The following HMX3 variants were observed in gnomAD, a reference collection of about 807,000 sequenced individuals.
HMX3 encodes H6 family homeobox 3.
Under a neutral mutation model 22.8 loss-of-function variants are expected in HMX3, and 8 were observed. The ratio of observed to expected loss-of-function variants is 0.35; its 90% CI spans 0.21 to 0.63. The LOEUF (loss-of-function observed/expected upper bound fraction) is 0.63, where lower values mean the gene tolerates loss of function less well. Ranked by LOEUF, HMX3 falls within the 30% of genes least tolerant of loss-of-function variation. HMX3 has a pLI of 0.72. For missense variants in HMX3, 527 were observed against 520.6 expected (o/e 1.01, Z -0.12); for synonymous variants, 331 against 250.9 (o/e 1.32, Z -3.02).
Position 123,136,184 on chromosome 10 carries a change from C to G in HMX3, c.134C>G (p.Pro45Arg), listed in dbSNP as rs866618942. 23 of 1,427,850 alleles carry G rather than the reference C, an allele frequency of 1.6e-5. 1 individual carries two copies. In the African/African-American group the frequency reaches 2.5e-4, roughly 16 times the overall value. 88.4% of individuals were successfully genotyped at this position (1,427,850 alleles called of 1,614,324 possible). ...CTCAACGGAGACCACCACCGGCCGCCCCCTAAGCCTCAGCCGCCCCCACGG... is the reference window on the plus strand; with the variant it reads ...CTCAACGGAGACCACCACCGGCCGCGCCCTAAGCCTCAGCCGCCCCCACGG... ...NLLNGDHHRP[P>R]PKPQPPPRTL... Residue 45 changes from proline to arginine, a missense_variant, in exon 1 of 2, where the codon CCC (proline) becomes CGC (arginine). Pro to Arg is a moderately radical substitution (Grantham distance 103). Transcript: ENST00000357878. The surrounding 1 kb of genome is among the most constrained non-coding windows in gnomAD (Gnocchi z 4.8).
chr10:123,137,290 C>A lies in HMX3; in HGVS notation c.633C>A (p.Asp211Glu). ...CGGCGGCCACTCCGGGCGCAGAAGA[C>A]TGGAAGAAGGGCGCTGAAAGTCCAG... ...GAAAATPGAE[D>E]WKKGAESPEK... The change falls in exon 2 of 2, where the codon GAC becomes GAA. Residue 211 changes from aspartate (D) to glutamate (E), a missense_variant. Coordinates refer to ENST00000357878, the MANE Select transcript of HMX3 (RefSeq NM_001105574.2). The surrounding 1 kb of genome is among the most constrained non-coding windows in gnomAD (Gnocchi z 5.8). 1 of 1,601,530 alleles carries A rather than the reference C, an allele frequency of 6.2e-7. No individual in the cohort carries two copies. The highest frequency in any genetic ancestry group is 2.3e-5 in the East Asian group (1 of 44,278).
In HMX3 at chr10:123,137,636, C is replaced by T. The variant is rs61736861; in HGVS notation, c.979C>T (p.Pro327Ser). ...CGCGGCGGCTGCAGCCGCGGGGGCC[C>T]CGGTGCCAGTCAGCCAGCCGCTGCT... Reference protein sequence around the residue: ...EGAAAAAAGAPVPVSQPLLTF... With the variant: ...EGAAAAAAGASVPVSQPLLTF... Residue 327 changes from proline (P) to serine (S), a missense_variant, in exon 2 of 2, where the codon CCG (proline) becomes TCG (serine). This residue lies in a region of HMX3 where 100 missense variants were observed against 102.3 expected (regional missense o/e 0.98). Transcript: ENST00000357878. This position sits in a 1 kb window ranked among gnomAD's most constrained non-coding sequence, Gnocchi z 5.8. 2.5e-4 allele frequency: 389 copies of T among 1,527,386 alleles called. 2 individuals carry two copies. In the African/African-American group the frequency reaches 4.7e-3, roughly 18 times the overall value. 94.6% of individuals were successfully genotyped at this position (1,527,386 alleles called of 1,614,324 possible). A position where few individuals can be genotyped will look rare whatever the true frequency, so the allele number is the denominator to read the frequency against.
At position 123,136,320 on chromosome 10, in the gene HMX3, C is replaced by G; in HGVS notation, c.270C>G (p.Asp90Glu). 6.4e-7 allele frequency: 1 copy of G among 1,563,334 alleles called. No individual in the cohort carries two copies. The highest frequency in any genetic ancestry group is 1.2e-5 in the South Asian group (1 of 85,868). The stretch of plus-strand genomic sequence containing the variant: ...GCTTCGCGCTCTCGCAGGTGGGCGA[C>G]CTGGCTTTCCCTCGCTTTGAGATCC... ...AAGFALSQVGDLAFPRFEIPA... is the reference protein window; with the variant it reads ...AAGFALSQVGELAFPRFEIPA... The change falls in exon 1 of 2, where the codon GAC becomes GAG. Residue 90 changes from aspartate to glutamate, a missense_variant. Transcript: ENST00000357878. This position sits in a 1 kb window ranked among gnomAD's most constrained non-coding sequence, Gnocchi z 4.8.
In HMX3 at chr10:123,135,976, C is replaced by T. The variant is rs1004028984; in HGVS notation, c.-75C>T. 1.6e-6 allele frequency: 2 copies of T among 1,282,790 alleles called. No individual in the cohort carries two copies. Among genetic ancestry groups the T allele is most frequent in the Non-Finnish European group, 9.9e-7 (1 of 1,008,318 alleles). 79.5% of individuals were successfully genotyped at this position (1,282,790 alleles called of 1,614,324 possible). ...TGAGTTCCGTTTATGGTCTGATTTCCGGCCTCTCGCCTGCTCGCCCCGCCG... is the reference window on the plus strand; with the variant it reads ...TGAGTTCCGTTTATGGTCTGATTTCTGGCCTCTCGCCTGCTCGCCCCGCCG... On this transcript the variant is annotated 5_prime_UTR_variant, in exon 1 of 2. Transcript: ENST00000357878.
At position 123,136,207 on chromosome 10, in the gene HMX3, C is replaced by G. The variant is rs1314128260; in HGVS notation, c.157C>G (p.Arg53Gly). 1 of 1,380,050 alleles carries G rather than the reference C, an allele frequency of 7.2e-7. No individual in the cohort carries two copies. The highest frequency in any genetic ancestry group is 9.4e-7 in the Non-Finnish European group (1 of 1,068,018). The allele number at this position is 1,380,050 out of a possible 1,614,324, so 85.5% of individuals were successfully genotyped here. A position where few individuals can be genotyped will look rare whatever the true frequency, so the allele number is the denominator to read the frequency against. Reference protein sequence around the residue: ...RPPPKPQPPPRTLFAPASAAA... With the variant: ...RPPPKPQPPPGTLFAPASAAA... Reference sequence around the variant, plus strand: ...GCCCCCTAAGCCTCAGCCGCCCCCACGGACGCTCTTCGCGCCAGCCTCGGC... The same window carrying G: ...GCCCCCTAAGCCTCAGCCGCCCCCAGGGACGCTCTTCGCGCCAGCCTCGGC... The change falls in exon 1 of 2, where the codon CGG becomes GGG. Residue 53 changes from arginine (R) to glycine (G), a missense_variant. Around this residue, in one of 3 missense-constraint regions of HMX3, gnomAD observed 386 missense variants for 337.8 expected, o/e 1.14. Transcript: ENST00000357878. The surrounding 1 kb of genome is among the most constrained non-coding windows in gnomAD (Gnocchi z 4.8).
rs1844098529 is a variant in HMX3, at chr10:123,138,143, T to C, written c.*412T>C. Among the ~76,000 whole-genome samples the C allele has an allele frequency of 1.0e-5, 1 of 98,230 alleles. No homozygotes were observed. Among genetic ancestry groups the C allele is most frequent in the Non-Finnish European group, 2.3e-5 (1 of 44,396 alleles). 64.4% of individuals were successfully genotyped at this position (98,230 alleles called of 152,430 possible). A position where few individuals can be genotyped will look rare whatever the true frequency, so the allele number is the denominator to read the frequency against. On this transcript the variant is annotated 3_prime_UTR_variant, in exon 2 of 2. Transcript: ENST00000357878. ...CCTAAATCCCTCTAGTTTATTCTTT[T>C]CTGCTTTTTTTTTTTTTTCCGAGAC...
Position 123,136,243 on chromosome 10 carries a change from G to C in HMX3, c.193G>C (p.Ala65Pro), listed in dbSNP as rs1287661947. The C allele has an allele frequency of 1.5e-6, 2 of 1,339,382 alleles. No homozygotes were observed. The highest frequency in any genetic ancestry group is 9.5e-7 in the Non-Finnish European group (1 of 1,049,008). 83.0% of individuals were successfully genotyped at this position (1,339,382 alleles called of 1,614,324 possible). ...CGCGCCAGCCTCGGCTGCCGCCGCC[G>C]CCGCCGCTGCCGCTGCCGCGGCGGC... ...LFAPASAAAAAAAAAAAAAKG... is the reference protein window; with the variant it reads ...LFAPASAAAAPAAAAAAAAKG... Residue 65 changes from alanine (A) to proline (P), a missense_variant, in exon 1 of 2, where the codon GCC becomes CCC. Ala to Pro is a conservative substitution (Grantham distance 27, BLOSUM62 -1). Coordinates refer to ENST00000357878, the MANE Select transcript of HMX3 (RefSeq NM_001105574.2). The surrounding 1 kb of genome is among the most constrained non-coding windows in gnomAD (Gnocchi z 4.8).
rs556409092 is a variant in HMX3 at position 123,136,027 on chromosome 10, C to T, written c.-24C>T. The stretch of plus-strand genomic sequence containing the variant: ...CCCGCCTGTCCCGCTCCCTCCCTCC[C>T]GGGGACCCGGAGGAGAGGGGACCAT... On this transcript the variant is annotated 5_prime_UTR_variant, in exon 1 of 2. Coordinates refer to ENST00000357878, the MANE Select transcript of HMX3 (RefSeq NM_001105574.2). This position sits in a 1 kb window ranked among gnomAD's most constrained non-coding sequence, Gnocchi z 4.8. 2.0e-5 allele frequency: 27 copies of T among 1,337,130 alleles called. No homozygotes were observed. The South Asian group carries it at 5.5e-4, about 27-fold the overall frequency. The allele number at this position is 1,337,130 out of a possible 1,614,324, so 82.8% of individuals were successfully genotyped here.
In HMX3 at chr10:123,137,443, G is replaced by C. The variant is rs761004802; in HGVS notation, c.786G>C (p.Ala262=). 2 of 1,613,384 alleles carry C rather than the reference G, an allele frequency of 1.2e-6. No individual in the cohort carries two copies. Among genetic ancestry groups the C allele is most frequent in the Non-Finnish European group, 1.7e-6 (2 of 1,179,926 alleles). Reference sequence around the variant, plus strand: ...GCTCGGAGCGAGCCGGCCTGGCCGCGTCCCTGCACCTCACCGAGACGCAGG... The same window carrying C: ...GCTCGGAGCGAGCCGGCCTGGCCGCCTCCCTGCACCTCACCGAGACGCAGG... ...LSSSERAGLA[A]SLHLTETQVK... is the part of the protein sequence containing the mutation. Residue 262 remains alanine, a synonymous_variant, in exon 2 of 2, where the codon GCG becomes GCC. Transcript: ENST00000357878. The surrounding 1 kb of genome is among the most constrained non-coding windows in gnomAD (Gnocchi z 5.8).
rs752204539 is a variant in HMX3, at chr10:123,136,470, C to T, written c.400+20C>T. The T allele has an allele frequency of 2.1e-4, 282 of 1,362,216 alleles. 2 individuals carry two copies. The highest frequency in any genetic ancestry group is 6.2e-4 in the Middle Eastern group (3 of 4,862). The allele number at this position is 1,362,216 out of a possible 1,614,324, so 84.4% of individuals were successfully genotyped here. On this transcript the variant is annotated intron_variant, in intron 1 of 1. Coordinates refer to ENST00000357878, the MANE Select transcript of HMX3 (RefSeq NM_001105574.2). This position sits in a 1 kb window ranked among gnomAD's most constrained non-coding sequence, Gnocchi z 4.8. ...CTGAAGGTACCGACCTCTCTTTGAA[C>T]TTTCGTTGTCCCCCTGCGCGCCCGC... is the stretch of plus-strand genomic sequence containing the variant.
rs1589677905 is a variant in HMX3 at position 123,136,042 on chromosome 10, G to T, written c.-9G>T. ...CCCTCCCTCCCGGGGACCCGGAGGA[G>T]AGGGGACCATGCCGGAACCCGGGCC... On this transcript the variant is annotated 5_prime_UTR_variant, in exon 1 of 2. Transcript: ENST00000357878. This position sits in a 1 kb window ranked among gnomAD's most constrained non-coding sequence, Gnocchi z 4.8. The T allele has an allele frequency of 1.5e-6, 2 of 1,363,334 alleles. No individual in the cohort carries two copies. The highest frequency in any genetic ancestry group is 1.9e-6 in the Non-Finnish European group (2 of 1,056,318). The allele number at this position is 1,363,334 out of a possible 1,614,324, so 84.5% of individuals were successfully genotyped here. A position where few individuals can be genotyped will look rare whatever the true frequency, so the allele number is the denominator to read the frequency against.
rs748707637 is a variant in HMX3, at chr10:123,137,539, C to T, written c.882C>T (p.Asn294=). The T allele has an allele frequency of 1.2e-6, 2 of 1,611,492 alleles. No homozygotes were observed. The highest frequency in any genetic ancestry group is 1.7e-6 in the Non-Finnish European group (2 of 1,179,628). The change falls in exon 2 of 2, where the codon AAC becomes AAT. Residue 294 remains asparagine (N), a synonymous_variant. Coordinates refer to ENST00000357878, the MANE Select transcript of HMX3 (RefSeq NM_001105574.2). This position sits in a 1 kb window ranked among gnomAD's most constrained non-coding sequence, Gnocchi z 5.8. ...RQLAAELEAA[N]LSHAAAQRIV... is the part of the protein sequence containing the mutation. The stretch of plus-strand genomic sequence containing the variant: ...TGGCGGCGGAGCTGGAGGCGGCCAA[C>T]CTGAGCCATGCCGCGGCGCAGCGCA...
chr10:123,136,110 GCCC>G lies in HMX3; in HGVS notation c.66_68del (p.Pro24del). On this transcript the variant is annotated inframe_deletion, in exon 1 of 2. Coordinates refer to ENST00000357878, the MANE Select transcript of HMX3 (RefSeq NM_001105574.2). This position sits in a 1 kb window ranked among gnomAD's most constrained non-coding sequence, Gnocchi z 4.8. ...CCAGCGCACAGCCCCAACCGCCGCC[GCCC>G]CCCCCACCCGCTCCCAAGGAGTCCC... is the stretch of plus-strand genomic sequence containing the variant. The G allele has an allele frequency of 7.9e-7, 1 of 1,261,560 alleles. No individual in the cohort carries two copies. The highest frequency in any genetic ancestry group is 2.0e-5 in the South Asian group (1 of 49,856). The allele number at this position is 1,261,560 out of a possible 1,614,324, so 78.1% of individuals were successfully genotyped here.
rs1844066889 is a variant in HMX3, at chr10:123,136,007, C to G, written c.-44C>G. 1.1e-5 allele frequency: 15 copies of G among 1,318,292 alleles called. No homozygotes were observed. In the South Asian group the frequency reaches 2.8e-4, roughly 24 times the overall value. 81.7% of individuals were successfully genotyped at this position (1,318,292 alleles called of 1,614,324 possible). On this transcript the variant is annotated 5_prime_UTR_variant, in exon 1 of 2. Coordinates refer to ENST00000357878, the MANE Select transcript of HMX3 (RefSeq NM_001105574.2). This position sits in a 1 kb window ranked among gnomAD's most constrained non-coding sequence, Gnocchi z 4.8. ...CTCGCCTGCTCGCCCCGCCGCCCGC[C>G]TGTCCCGCTCCCTCCCTCCCGGGGA...
Position 123,136,189 on chromosome 10 carries a change from A to G in HMX3, c.139A>G (p.Lys47Glu), listed in dbSNP as rs764242516. The change falls in exon 1 of 2, where the codon AAG (lysine) becomes GAG (glutamate). Residue 47 changes from lysine (K) to glutamate (E), a missense_variant. Coordinates refer to ENST00000357878, the MANE Select transcript of HMX3 (RefSeq NM_001105574.2). The surrounding 1 kb of genome is among the most constrained non-coding windows in gnomAD (Gnocchi z 4.8). ...LNGDHHRPPP[K>E]PQPPPRTLFA... ...CGGAGACCACCACCGGCCGCCCCCT[A>G]AGCCTCAGCCGCCCCCACGGACGCT... The G allele has an allele frequency of 1.3e-4, 186 of 1,409,676 alleles. 5 individuals are homozygous for G. In the Admixed American group the frequency reaches 4.4e-3, roughly 34 times the overall value. 87.3% of individuals were successfully genotyped at this position (1,409,676 alleles called of 1,614,324 possible).
chr10:123,137,780 C>T lies in HMX3; in HGVS notation c.*49C>T, dbSNP rs754766644. 1 of 1,352,216 alleles carries T rather than the reference C, an allele frequency of 7.4e-7. No homozygotes were observed. Among genetic ancestry groups the T allele is most frequent in the East Asian group, 2.8e-5 (1 of 36,262 alleles). The allele number at this position is 1,352,216 out of a possible 1,614,324, so 83.8% of individuals were successfully genotyped here. On this transcript the variant is annotated 3_prime_UTR_variant, in exon 2 of 2. Transcript: ENST00000357878. This position sits in a 1 kb window ranked among gnomAD's most constrained non-coding sequence, Gnocchi z 5.8. ...AGCGCCCGGCCTCCTTGTCCGGACC[C>T]CGGAGGAGACTGGGCCGGGCCGAGG...
chr10:123,137,452 C>G lies in HMX3; in HGVS notation c.795C>G (p.His265Gln), dbSNP rs113592150. ...SERAGLAASLHLTETQVKIWF... is the reference protein window; with the variant it reads ...SERAGLAASLQLTETQVKIWF... ...GAGCCGGCCTGGCCGCGTCCCTGCA[C>G]CTCACCGAGACGCAGGTCAAGATCT... The change falls in exon 2 of 2, where the codon CAC (histidine) becomes CAG (glutamine). Residue 265 changes from histidine (H) to glutamine (Q), a missense_variant. This residue lies in a region of HMX3 where 41 missense variants were observed against 80.6 expected (regional missense o/e 0.51). Transcript: ENST00000357878. The surrounding 1 kb of genome is among the most constrained non-coding windows in gnomAD (Gnocchi z 5.8). 6.2e-7 allele frequency: 1 copy of G among 1,613,378 alleles called. No homozygotes were observed. The highest frequency in any genetic ancestry group is 8.5e-7 in the Non-Finnish European group (1 of 1,179,932).
Position 123,136,494 on chromosome 10 carries a change from G to A in HMX3, c.400+44G>A. On this transcript the variant is annotated intron_variant, in intron 1 of 1. Coordinates refer to ENST00000357878, the MANE Select transcript of HMX3 (RefSeq NM_001105574.2). The surrounding 1 kb of genome is among the most constrained non-coding windows in gnomAD (Gnocchi z 4.8). ...ACTTTCGTTGTCCCCCTGCGCGCCC[G>A]CCCCGTCCCCGCCCCGCGCTGCTTC... is the stretch of plus-strand genomic sequence containing the variant. 3.1e-6 allele frequency: 4 copies of A among 1,289,174 alleles called. No individual in the cohort carries two copies. The highest frequency in any genetic ancestry group is 3.1e-5 in the East Asian group (1 of 31,926). 79.9% of individuals were successfully genotyped at this position (1,289,174 alleles called of 1,614,324 possible).
Position 123,137,823 on chromosome 10 carries a change from G to C in HMX3, c.*92G>C. ...GGCCGAGGGCGCCGAGAAGTCCAGCGGCCTTCAGGAACTGGGGCTTGGGCG... is the reference window on the plus strand; with the variant it reads ...GGCCGAGGGCGCCGAGAAGTCCAGCCGCCTTCAGGAACTGGGGCTTGGGCG... On this transcript the variant is annotated 3_prime_UTR_variant, in exon 2 of 2. Transcript: ENST00000357878. This position sits in a 1 kb window ranked among gnomAD's most constrained non-coding sequence, Gnocchi z 5.8. 1.0e-6 allele frequency: 1 copy of C among 988,934 alleles called. No homozygotes were observed. Among genetic ancestry groups the C allele is most frequent in the South Asian group, 2.1e-5 (1 of 48,266 alleles). The allele number at this position is 988,934 out of a possible 1,614,324, so 61.3% of individuals were successfully genotyped here. A position where few individuals can be genotyped will look rare whatever the true frequency, so the allele number is the denominator to read the frequency against.
Sources: gnomAD v4.1 joint callset for allele counts (sites outside exome capture counted in the v4.1 genomes callset) on GRCh38, gnomAD v4.1.1 for gene constraint, gnomAD v4.1.1 regional missense constraint, Gnocchi (gnomAD v3.1) non-coding constraint, MANE v1.5 for transcripts, NCBI Gene and HGNC (gene_info 2026-07-23, HGNC 2026-07-21) for gene names.